Variants in SLC35F2 observed in about 807,000 individuals in gnomAD.
SLC35F2 encodes solute carrier family 35 member F2.
In SLC35F2, 25 loss-of-function variants were observed where a neutral mutation model predicts 38.1. The ratio of observed to expected loss-of-function variants is 0.66; its 90% CI spans 0.48 to 0.92. The LOEUF (loss-of-function observed/expected upper bound fraction) is 0.92, where lower values mean the gene tolerates loss of function less well. Ranked by LOEUF, SLC35F2 falls within the 40% of genes least tolerant of loss-of-function variation. The pLI is 0.00. For missense variants in SLC35F2, 409 were observed against 452.9 expected (o/e 0.90, Z 0.88); for synonymous variants, 173 against 181.7 (o/e 0.95, Z 0.38).
intron 1 of SLC35F2, among the ~76,000 whole-genome samples, chr11:107,832,775 C>G (rs1359523978): frequency 6.6e-6 from 1 of 152,160 alleles, no homozygotes; most frequent in Non-Finnish European, 1.5e-5. Context: ...CCACTGCACT[C>G]CAGCCTGGGT....
intron 1 of SLC35F2, among the ~76,000 whole-genome samples, chr11:107,831,508 C>T (rs557453487): frequency 1.3e-5 from 2 of 152,286 alleles, no homozygotes; most frequent in East Asian, 1.9e-4. Context: ...TATAGACGTG[C>T]ACCACCACAC....
intron 3 of SLC35F2, chr11:107,810,959 T>C (rs1859470987): frequency 1.0e-6 from 1 of 978,956 alleles, no homozygotes; most frequent in South Asian, 4.7e-5. Context: ...TTTTATTATT[T>C]AAAAAAATGA....
At chr11:107,824,078 T>C (rs887596227) in intron 1 of SLC35F2, 20 of 816,608 alleles carry the variant, frequency 2.4e-5, no homozygotes, top group Non-Finnish European at 2.7e-5. Flanking sequence ...CTAATTCTAG[T>C]AAGCATGAGT....
At chr11:107,849,051 C>T (rs1860137040) in intron 1 of SLC35F2, among the ~76,000 whole-genome samples, 1 of 152,140 alleles carries the variant, frequency 6.6e-6, no homozygotes, top group African/African-American at 2.4e-5. Flanking sequence ...CTCAGCTCTG[C>T]CTCTCACCAG....
chr11:107,829,411 T>C lies in SLC35F2; in HGVS notation c.111-13446A>G, dbSNP rs553010945. On this transcript the variant is annotated intron_variant, in intron 1 of 7. Coordinates refer to ENST00000525815, the MANE Select transcript of SLC35F2 (RefSeq NM_017515.5). ...TACAGTCTGGGTGACAGAGTGAGACTACATCTCAAAAAAAAAAAAAACTTG... is the reference window on the plus strand; with the variant it reads ...TACAGTCTGGGTGACAGAGTGAGACCACATCTCAAAAAAAAAAAAAACTTG... Among the ~76,000 whole-genome samples, 3 of 146,890 alleles carry C rather than the reference T, an allele frequency of 2.0e-5. No individual in the cohort carries two copies. The East Asian group carries it at 6.0e-4, about 29-fold the overall frequency.
At chr11:107,845,609 C>T (rs761441640) in intron 1 of SLC35F2, among the ~76,000 whole-genome samples, 12 of 152,072 alleles carry the variant, frequency 7.9e-5, no homozygotes, top group Non-Finnish European at 4.4e-5. Context: ...GTATCATTAA[C>T]ATAAATAACC....
chr11:107,841,959 G>A (rs899572387), intron 1 of SLC35F2, among the ~76,000 whole-genome samples: 14 of 151,222 alleles, frequency 9.3e-5, no homozygotes, highest in East Asian at 3.9e-4. Flanking sequence ...CCAGCTACTC[G>A]GGAGGCTGAG....
intron 1 of SLC35F2, among the ~76,000 whole-genome samples, chr11:107,844,511 G>A (rs1860070020): frequency 7.9e-6 from 1 of 126,376 alleles, no homozygotes; most frequent in Admixed American, 9.0e-5. Flanking sequence ...TGTAATCCCA[G>A]CTACTCAGGA....
intron 2 of SLC35F2, among the ~76,000 whole-genome samples, chr11:107,814,712 C>G (rs1474898492): frequency 6.6e-6 from 1 of 152,032 alleles, no homozygotes; most frequent in African/African-American, 2.4e-5. Flanking sequence ...CCTGTAATCT[C>G]AGCACTTTGG....
At chr11:107,852,925 T>A (rs1381613813) in intron 1 of SLC35F2, among the ~76,000 whole-genome samples, 1 of 149,444 alleles carries the variant, frequency 6.7e-6, no homozygotes, top group Non-Finnish European at 1.5e-5. Flanking sequence ...ATGCTGATAA[T>A]CCCAGCTACT....
intron 1 of SLC35F2, among the ~76,000 whole-genome samples, chr11:107,839,844 G>A (rs1015821340): frequency 6.6e-6 from 1 of 152,078 alleles, no homozygotes; most frequent in Non-Finnish European, 1.5e-5. Flanking sequence ...GTAGATATGG[G>A]GTTTCTGCAT....
rs187688345 is a variant in SLC35F2, at chr11:107,805,613, A to G, written c.575-98T>C. 8 of 1,474,802 alleles carry G rather than the reference A, an allele frequency of 5.4e-6. No individual in the cohort carries two copies. The East Asian group carries it at 1.7e-4, about 31-fold the overall frequency. 91.4% of individuals were successfully genotyped at this position (1,474,802 alleles called of 1,614,324 possible). Reference sequence around the variant, plus strand: ...CATCTGACTCGTGTTCATTTAAATGACACTAAAGAAGAAGAAACTGGTTAC... The same window carrying G: ...CATCTGACTCGTGTTCATTTAAATGGCACTAAAGAAGAAGAAACTGGTTAC... On this transcript the variant is annotated intron_variant, in intron 4 of 7. Transcript: ENST00000525815.
chr11:107,820,865 A>C (rs973043096), intron 1 of SLC35F2, among the ~76,000 whole-genome samples: 2 of 152,314 alleles, frequency 1.3e-5, no homozygotes, highest in Admixed American at 6.5e-5. Flanking sequence ...CTGAGACAGG[A>C]GAATTGCTTG....
intron 1 of SLC35F2, among the ~76,000 whole-genome samples, chr11:107,842,257 C>CAAAAAAAAAAAAAAAAAAAAAAAAAAA (rs541185009): frequency 2.6e-5 from 1 of 37,908 alleles, no homozygotes; most frequent in Non-Finnish European, 4.2e-5. Flanking sequence ...CTCCGTCTCA[C>CAAAAAAAAAAAAAAAAAAAAAAAAAAA]AAAAAAAAAA....
chr11:107,829,100 T>C (rs188430609), intron 1 of SLC35F2, among the ~76,000 whole-genome samples: 185 of 144,850 alleles, frequency 1.3e-3, no homozygotes, highest in Non-Finnish European at 1.9e-3. Context: ...AGAGTGAGAC[T>C]GTCTTGGAGC....
At chr11:107,793,184 G>A (rs117166489) in intron 7 of SLC35F2, among the ~76,000 whole-genome samples, 23 of 152,310 alleles carry the variant, frequency 1.5e-4, no homozygotes, top group Non-Finnish European at 3.1e-4. Flanking sequence ...CCCAAAGTGC[G>A]GGGGATTACA....
chr11:107,811,917 T>C, intron 2 of SLC35F2, 123 bp from the exon 3 acceptor site: 2 of 913,860 alleles, frequency 2.2e-6, no homozygotes, highest in Non-Finnish European at 3.3e-6. Context: ...TCTTCTTCTT[T>C]TTGAGATAGG....
intron 1 of SLC35F2, chr11:107,816,173 A>G: frequency 1.0e-6 from 1 of 985,294 alleles, no homozygotes; most frequent in Non-Finnish European, 1.2e-6. Flanking sequence ...GATCCCCTCC[A>G]TTCCCACAAA....
intron 1 of SLC35F2, among the ~76,000 whole-genome samples, chr11:107,857,236 AGGG>A (rs1860307307): frequency 1.0e-5 from 1 of 95,766 alleles, no homozygotes; most frequent in South Asian, 3.7e-4. Flanking sequence ...GGAGGGAGGG[AGGG>A]AGGGAACTGG....
Sources: allele counts gnomAD v4.1 joint callset (sites outside exome capture counted in the v4.1 genomes callset), GRCh38; gene constraint gnomAD v4.1.1; transcripts MANE v1.5; gene names NCBI Gene and HGNC (gene_info 2026-07-23, HGNC 2026-07-21).